Variants in FBXO22 observed in about 807,000 individuals in gnomAD.
FBXO22 encodes F-box only protein 22.
In FBXO22, 13 loss-of-function variants were observed where a neutral mutation model predicts 37.2. The observed-to-expected ratio is 0.35, with a 90% CI of 0.23 to 0.56. The LOEUF is 0.56. Among genes scored for constraint, FBXO22 ranks in the 20% least tolerant of loss-of-function variants. FBXO22 has a pLI of 0.87. For synonymous variants in FBXO22, 189 were observed against 189.1 expected, an observed-to-expected ratio of 1.00 and a Z score of 0.00; for missense variants, 446 against 509.9, an observed-to-expected ratio of 0.87 and a Z score of 1.21.
At chr15:75,913,093 C>A (rs1211895697) in intron 2 of FBXO22, 110 bp from the exon 3 acceptor site, 1 of 630,710 alleles carries the variant, frequency 1.6e-6, no homozygotes, top group African/African-American at 1.8e-5. Flanking sequence ...GTTTCTTAAT[C>A]CTGAGTTCTA....
In FBXO22 at chr15:75,931,550, T is replaced by C. The variant is rs1316329358; in HGVS notation, c.795-1135T>C. 4.6e-5 allele frequency among the ~76,000 whole-genome samples: 7 copies of C among 152,232 alleles called. No individual in the cohort carries two copies. The East Asian group carries it at 1.3e-3, about 29-fold the overall frequency. ...AGACGGATTTTGCCCCTCACAAACT[T>C]GTTTTACTACTAGCTAGCCTTATTA... On this transcript the variant is annotated intron_variant, in intron 6 of 6. Transcript: ENST00000308275.
Position 75,917,367 on chromosome 15 carries a change from T to G in FBXO22, c.601T>G (p.Leu201Val). 6.3e-7 allele frequency: 1 copy of G among 1,598,584 alleles called. No individual in the cohort carries two copies. The highest frequency in any genetic ancestry group is 2.2e-5 in the East Asian group (1 of 44,698). Residue 201 changes from leucine to valine, a missense_variant, in exon 5 of 7, where the codon TTA (leucine) becomes GTA (valine). Coordinates refer to ENST00000308275, the MANE Select transcript of FBXO22 (RefSeq NM_147188.3). ...TATTAAGGATCCAAAGAATTTAACA[T>G]TAGAAAGACATCAACTCACTGAAGT... The part of the protein sequence containing the change: ...HFIKDPKNLT[L>V]ERHQLTEVGL...
chr15:75,905,380 G>A (rs1472667723), intron 2 of FBXO22, among the ~76,000 whole-genome samples: 3 of 152,176 alleles, frequency 2.0e-5, no homozygotes, highest in Non-Finnish European at 4.4e-5. Flanking sequence ...GAGAGATGAA[G>A]ACTCGAACTG....
At chr15:75,918,332 A>C (rs1204286221) in intron 5 of FBXO22, among the ~76,000 whole-genome samples, 4 of 152,210 alleles carry the variant, frequency 2.6e-5, no homozygotes, top group Admixed American at 6.5e-5. Flanking sequence ...AAAAAAAAAA[A>C]AAACTTGCAA....
At position 75,933,011 on chromosome 15, in the gene FBXO22, T is replaced by C. The variant is rs779772186; in HGVS notation, c.1121T>C (p.Ile374Thr). 1 of 1,614,110 alleles carries C rather than the reference T, an allele frequency of 6.2e-7. No individual in the cohort carries two copies. The highest frequency in any genetic ancestry group is 1.3e-5 in the African/African-American group (1 of 74,938). The change falls in exon 7 of 7, where the codon ATA becomes ACA. Residue 374 changes from isoleucine to threonine, a missense_variant. This residue lies in a region of FBXO22 where 315 missense variants were observed against 410.1 expected (regional missense o/e 0.77). Transcript: ENST00000308275. The part of the protein sequence containing the change: ...GCDRIVTGNF[I>T]LRKCNEVKDD... ...GATCGGATAGTCACTGGGAACTTTA[T>C]ATTGAGGAAATGTAATGAGGTAAAA...
chr15:75,905,928 C>T (rs762620314), intron 2 of FBXO22, among the ~76,000 whole-genome samples: 13 of 152,208 alleles, frequency 8.5e-5, no homozygotes, highest in Non-Finnish European at 1.6e-4. Flanking sequence ...TCACTAAAAT[C>T]ACTCTTCTAC....
At chr15:75,922,111 C>T (rs905087308) in intron 5 of FBXO22, among the ~76,000 whole-genome samples, 2 of 151,948 alleles carry the variant, frequency 1.3e-5, no homozygotes, top group Non-Finnish European at 2.9e-5. Flanking sequence ...ATGCATTGTA[C>T]GTGATTGTAT....
intron 5 of FBXO22, among the ~76,000 whole-genome samples, chr15:75,920,265 A>G (rs1900288213): frequency 6.6e-6 from 1 of 152,258 alleles, no homozygotes; most frequent in South Asian, 2.1e-4. Flanking sequence ...GTTAGCAAAT[A>G]GTAGGTCTGA....
At chr15:75,930,494 G>C (rs335680) in intron 6 of FBXO22, 981,274 of 984,986 alleles carry the variant, frequency 1, 488,870 homozygotes, top group East Asian at 1. Context: ...GTTCCCAAAT[G>C]TGTTTGGTCA....
In FBXO22 at chr15:75,940,768, C is replaced by G. The variant is rs1046435607; in HGVS notation, c.*7666C>G. 1 of 74,448 alleles carries G rather than the reference C, an allele frequency of 1.3e-5. No individual in the cohort carries two copies. Among genetic ancestry groups the G allele is most frequent in the Non-Finnish European group, 2.8e-5 (1 of 35,092 alleles). 4.6% of individuals were successfully genotyped at this position (74,448 alleles called of 1,614,324 possible). A position where few individuals can be genotyped will look rare whatever the true frequency, so the allele number is the denominator to read the frequency against. ...TTTTCAACAAATAATGATGGGAAAGCTGGATAACCACATGGCTAACTAACA... is the reference window on the plus strand; with the variant it reads ...TTTTCAACAAATAATGATGGGAAAGGTGGATAACCACATGGCTAACTAACA... On this transcript the variant is annotated 3_prime_UTR_variant, in exon 7 of 7. Coordinates refer to ENST00000308275, the MANE Select transcript of FBXO22 (RefSeq NM_147188.3).
rs945895375 is a variant in FBXO22, at chr15:75,936,370, G to A, written c.*3268G>A. On this transcript the variant is annotated 3_prime_UTR_variant, in exon 7 of 7. Coordinates refer to ENST00000308275, the MANE Select transcript of FBXO22 (RefSeq NM_147188.3). The stretch of plus-strand genomic sequence containing the variant: ...CTTGTTAAATGAACAAAGTGAATAC[G>A]ATATAAAGAATGTGATACCAGAAAG... 6.6e-6 allele frequency: 1 copy of A among 152,128 alleles called. No individual in the cohort carries two copies. The highest frequency in any genetic ancestry group is 2.4e-5 in the African/African-American group (1 of 41,438). 9.4% of individuals were successfully genotyped at this position (152,128 alleles called of 1,614,324 possible).
intron 2 of FBXO22, among the ~76,000 whole-genome samples, chr15:75,912,389 C>T (rs911105229): frequency 2.0e-5 from 3 of 152,102 alleles, no homozygotes; most frequent in Admixed American, 6.5e-5. Flanking sequence ...GCTGTGAATT[C>T]GTCTGGTCCT....
intron 1 of FBXO22, 158 bp downstream of exon 1, chr15:75,904,261 C>T: frequency 1.9e-5 from 23 of 1,182,286 alleles, no homozygotes; most frequent in Non-Finnish European, 2.6e-5. Context: ...AGGTATCTCC[C>T]AGCCGTGGTG....
chr15:75,908,141 C>T (rs2141702509), intron 2 of FBXO22, among the ~76,000 whole-genome samples: 1 of 152,274 alleles, frequency 6.6e-6, no homozygotes, highest in Admixed American at 6.5e-5. Context: ...GTGGATGCCT[C>T]ATAAACTCTC....
chr15:75,907,497 C>T (rs1391900853), intron 2 of FBXO22, among the ~76,000 whole-genome samples: 1 of 152,114 alleles, frequency 6.6e-6, no homozygotes, highest in East Asian at 1.9e-4. Flanking sequence ...CATGAAAACT[C>T]TATCCAAATC....
intron 3 of FBXO22, 143 bp downstream of exon 3, chr15:75,913,433 T>C (rs1595912569): frequency 1.8e-6 from 1 of 545,334 alleles, no homozygotes; most frequent in East Asian, 3.0e-5. Flanking sequence ...AATATATCTA[T>C]CTTTGAACCT....
rs746420956 is a variant in FBXO22 at position 75,930,047 on chromosome 15, A to G, written c.792A>G (p.Glu264=). ...QVDNLSSLTS[E]KNPLDIDASG... ...ACAACCTGTCATCACTGACTTCTGA[A>G]AAGTATGTCTTGTGTGCTTCTGATT... The change falls in exon 6 of 7, where the codon GAA becomes GAG. Residue 264 remains glutamate, a splice_region_variant and synonymous_variant. Transcript: ENST00000308275. The G allele has an allele frequency of 6.2e-7, 1 of 1,614,006 alleles. No homozygotes were observed. The highest frequency in any genetic ancestry group is 1.7e-5 in the Admixed American group (1 of 60,020).
intron 2 of FBXO22, chr15:75,910,237 T>C (rs1010888047): frequency 1.3e-5 from 2 of 152,254 alleles, no homozygotes; most frequent in Non-Finnish European, 2.9e-5. Flanking sequence ...TGCATATGCA[T>C]GTGTCTTTAT....
intron 6 of FBXO22, 117 bp downstream of exon 6, chr15:75,930,166 C>T (rs1427751437): frequency 3.9e-6 from 6 of 1,544,572 alleles, no homozygotes; most frequent in Non-Finnish European, 5.2e-6. Context: ...GATAATAGTT[C>T]ATTCCATTTT....
Sources: gnomAD v4.1 joint callset for allele counts (sites outside exome capture counted in the v4.1 genomes callset) on GRCh38, gnomAD v4.1.1 for gene constraint, gnomAD v4.1.1 regional missense constraint, MANE v1.5 for transcripts, NCBI Gene and HGNC (gene_info 2026-07-23, HGNC 2026-07-21) for gene names.